MYO9B: variants seen among roughly 807,000 people sequenced by gnomAD.
MYO9B encodes the protein myosin IXB.
Under a neutral mutation model 229.5 loss-of-function variants are expected in MYO9B, and 71 were observed. That is an observed-to-expected ratio of 0.31 (90% CI 0.26 to 0.38). The LOEUF is 0.38. Ranked by LOEUF, MYO9B falls within the 10% of genes least tolerant of loss-of-function variation. MYO9B has a pLI of 1.00. For missense variants in MYO9B, 2,255 were observed against 2,920.5 expected, an observed-to-expected ratio of 0.77 and a Z score of 5.25; for synonymous variants, 1,185 against 1,235.8, an observed-to-expected ratio of 0.96 and a Z score of 0.86.
At chr19:17,155,486 A>T (rs2072526950) in intron 6 of MYO9B, among the ~76,000 whole-genome samples, 1 of 152,202 alleles carries the variant, frequency 6.6e-6, no homozygotes, top group Admixed American at 6.5e-5. Flanking sequence ...CAGCAATTTA[A>T]ATTTTTTTAA....
chr19:17,151,765 A>G (rs1031862617), intron 3 of MYO9B, among the ~76,000 whole-genome samples: 1 of 152,112 alleles, frequency 6.6e-6, no homozygotes, highest in African/African-American at 2.4e-5. Context: ...AAAACTACAA[A>G]AACTAGCCTG....
chr19:17,204,506 C>T (rs974227576), intron 30 of MYO9B, among the ~76,000 whole-genome samples: 25 of 151,942 alleles, frequency 1.6e-4, no homozygotes, highest in Admixed American at 1.4e-3. Flanking sequence ...TCCACACAGC[C>T]TCCTCTCTCA....
chr19:17,145,078 C>T (rs1050641666), intron 2 of MYO9B, among the ~76,000 whole-genome samples: 2 of 151,502 alleles, frequency 1.3e-5, no homozygotes, highest in African/African-American at 4.9e-5. Flanking sequence ...AGGAGTTCTA[C>T]GTCAGCCTGG....
At position 17,206,702 on chromosome 19, in the gene MYO9B, C is replaced by T; in HGVS notation, c.5410C>T (p.Leu1804=). 6.3e-7 allele frequency: 1 copy of T among 1,581,778 alleles called. No homozygotes were observed. The highest frequency in any genetic ancestry group is 8.6e-7 in the Non-Finnish European group (1 of 1,164,916). Residue 1804 remains leucine, a synonymous_variant, in exon 34 of 40, where the codon CTG becomes TTG. Coordinates refer to ENST00000682292, the MANE Select transcript of MYO9B (RefSeq NM_004145.4). ...AVELPEKQEQ[L]AAIYAVLEHL... ...AGAGCTGCCGGAGAAGCAGGAGCAG[C>T]TGGCTGCCATCTATGCCGTCCTGGA...
chr19:17,152,800 G>A lies in MYO9B; in HGVS notation c.998+94G>A, dbSNP rs2072493480. ...GAAGCAAAGCAAACGTCCTGAGGTC[G>A]GAGGAATTCTGGGGGAGGCCGTGGA... is the stretch of plus-strand genomic sequence containing the variant. On this transcript the variant is annotated intron_variant, in intron 4 of 39. Transcript: ENST00000682292. 22 of 1,167,694 alleles carry A rather than the reference G, an allele frequency of 1.9e-5. 1 individual carries two copies. The Middle Eastern group carries it at 9.9e-4, about 52-fold the overall frequency. The allele number at this position is 1,167,694 out of a possible 1,614,324, so 72.3% of individuals were successfully genotyped here.
At chr19:17,183,383 GCCTGGTCA>G (rs1380677177) in intron 15 of MYO9B, among the ~76,000 whole-genome samples, 4 of 152,326 alleles carry the variant, frequency 2.6e-5, no homozygotes, top group African/African-American at 7.2e-5. Context: ...GGCAAAGACA[GCCTGGTCA>G]CCTGGTCACC....
In MYO9B at chr19:17,212,204, C is replaced by A; in HGVS notation, c.6368C>A (p.Ala2123Asp). Residue 2123 changes from alanine (A) to aspartate (D), a missense_variant, in exon 40 of 40, where the codon GCC becomes GAC. Physicochemically the swap from Ala to Asp is moderately radical, Grantham distance 126. Transcript: ENST00000682292. The surrounding 1 kb of genome is among the most constrained non-coding windows in gnomAD (Gnocchi z 5.4). ...TPGADLPVQGALEPLEEDGQP... is the reference protein window; with the variant it reads ...TPGADLPVQGDLEPLEEDGQP... The stretch of plus-strand genomic sequence containing the variant: ...GGGGCAGACCTGCCAGTGCAGGGCG[C>A]CCTGGAGCCCCTAGAAGAGGATGGC... 1 of 1,582,584 alleles carries A rather than the reference C, an allele frequency of 6.3e-7. No homozygotes were observed. The highest frequency in any genetic ancestry group is 8.6e-7 in the Non-Finnish European group (1 of 1,165,736).
chr19:17,184,725 T>G, intron 16 of MYO9B, 140 bp from the exon 17 acceptor site: 3 of 1,124,136 alleles, frequency 2.7e-6, no homozygotes, highest in Non-Finnish European at 3.8e-6. Context: ...AGTGTGGTCC[T>G]GAGACCAAAC....
At chr19:17,191,312 A>T in intron 20 of MYO9B, 93 bp downstream of exon 20, 2 of 1,209,856 alleles carry the variant, frequency 1.7e-6, no homozygotes, top group East Asian at 5.2e-5. Flanking sequence ...CACTCTCTGA[A>T]ACATACAGGG....
intron 14 of MYO9B, among the ~76,000 whole-genome samples, chr19:17,176,096 C>T (rs953461982): frequency 6.6e-6 from 1 of 152,220 alleles, no homozygotes; most frequent in African/African-American, 2.4e-5. Context: ...GTGGCGTGAT[C>T]TCGGCTCACT....
intron 24 of MYO9B, among the ~76,000 whole-genome samples, chr19:17,200,012 C>T (rs1225449352): frequency 2.0e-5 from 3 of 152,146 alleles, no homozygotes; most frequent in African/African-American, 7.2e-5. Context: ...GCTGGGACTA[C>T]AGGAACCCAC....
Position 17,145,415 on chromosome 19 carries a change from A to G in MYO9B, c.859A>G (p.Thr287Ala). Residue 287 changes from threonine (T) to alanine (A), a missense_variant, in exon 3 of 40, where the codon ACA becomes GCA. By Grantham distance (58) the Thr-to-Ala change is moderately conservative. Around this residue, in one of 7 missense-constraint regions of MYO9B, gnomAD observed 386 missense variants for 515.2 expected, o/e 0.75. Transcript: ENST00000682292. ...CTTGCAGGCTTTTGGAAATGCCAAG[A>G]CAGCCCACAACAACAACTCCAGCCG... ...PVLEAFGNAKTAHNNNSSRFG... is the reference protein window; with the variant it reads ...PVLEAFGNAKAAHNNNSSRFG... 1 of 1,614,042 alleles carries G rather than the reference A, an allele frequency of 6.2e-7. No homozygotes were observed. Among genetic ancestry groups the G allele is most frequent in the Non-Finnish European group, 8.5e-7 (1 of 1,179,898 alleles).
intron 32 of MYO9B, 24 bp from the exon 33 acceptor site, chr19:17,206,224 A>AGTGGC: frequency 1.9e-6 from 3 of 1,563,260 alleles, no homozygotes; most frequent in Non-Finnish European, 1.7e-6. Flanking sequence ...GCCGCTCACC[A>AGTGGC]GACCCACCCC....
At chr19:17,134,393 T>TTTTTTTG (rs1568267223) in intron 2 of MYO9B, among the ~76,000 whole-genome samples, 1 of 119,556 alleles carries the variant, frequency 8.4e-6, no homozygotes, top group African/African-American at 3.1e-5. Flanking sequence ...TTTTTTTTTT[T>TTTTTTTG]TTTTTTTTTT....
In MYO9B at chr19:17,195,222, T is replaced by C. The variant is rs2279003; in HGVS notation, c.3795T>C (p.Pro1265=). 0.61 allele frequency: 990,327 copies of C among 1,611,194 alleles called. 310,770 individuals are homozygous for C. Among genetic ancestry groups the C allele is most frequent in the African/African-American group, 0.93 (69,408 of 74,856 alleles). Residue 1265 remains proline, a synonymous_variant, in exon 22 of 40, where the codon CCT becomes CCC. Transcript: ENST00000682292. This position sits in a 1 kb window ranked among gnomAD's most constrained non-coding sequence, Gnocchi z 4.5. The part of the protein sequence containing the change: ...ALDSRVSPPA[P]GSAPETPEDK... ...ACAGCAGGGTCAGCCCACCGGCCCCTGGCAGCGCCCCCGAGACCCCCGAGG... is the reference window on the plus strand; with the variant it reads ...ACAGCAGGGTCAGCCCACCGGCCCCCGGCAGCGCCCCCGAGACCCCCGAGG...
chr19:17,211,635 T>C lies in MYO9B; in HGVS notation c.5931-12T>C. ...GGGGTGGCCTTGGACACCACTACCC[T>C]TTTTCCTCCAGGGAGGACATCACCT... On this transcript the variant is annotated splice_polypyrimidine_tract_variant and intron_variant, in intron 38 of 39. Transcript: ENST00000682292. The C allele has an allele frequency of 6.3e-7, 1 of 1,588,366 alleles. No homozygotes were observed. Among genetic ancestry groups the C allele is most frequent in the South Asian group, 1.1e-5 (1 of 88,342 alleles).
intron 2 of MYO9B, among the ~76,000 whole-genome samples, chr19:17,130,269 G>A (rs1048570289): frequency 1.3e-5 from 2 of 151,672 alleles, no homozygotes; most frequent in East Asian, 1.9e-4. Context: ...ACTGGAGTTC[G>A]AGACCAGCCT....
chr19:17,107,048 A>T (rs544583309), intron 2 of MYO9B, among the ~76,000 whole-genome samples: 1 of 94,874 alleles, frequency 1.1e-5, no homozygotes, highest in Admixed American at 1.2e-4. Context: ...GGGCAACAAG[A>T]GCGAAATCTG....
intron 1 of MYO9B, among the ~76,000 whole-genome samples, chr19:17,077,822 T>G (rs1323845270): frequency 6.6e-6 from 1 of 152,200 alleles, no homozygotes; most frequent in Admixed American, 6.5e-5. Flanking sequence ...ACAGTTTGTA[T>G]CCAAAAATGA....
Sources: gnomAD v4.1 joint callset for allele counts (sites outside exome capture counted in the v4.1 genomes callset) on GRCh38, gnomAD v4.1.1 for gene constraint, gnomAD v4.1.1 regional missense constraint, Gnocchi (gnomAD v3.1) non-coding constraint, MANE v1.5 for transcripts, NCBI Gene and HGNC (gene_info 2026-07-23, HGNC 2026-07-21) for gene names.